Variants in LSAMP observed in about 807,000 individuals in gnomAD.
The protein encoded by LSAMP is limbic system associated membrane protein, also known as limbic system-associated membrane protein.
A neutral mutation model predicts 38.6 loss-of-function variants in LSAMP; 7 were observed. The observed-to-expected ratio is 0.18, with a 90% CI of 0.10 to 0.34. LSAMP has a LOEUF of 0.34. Among genes scored for constraint, LSAMP ranks in the 10% least tolerant of loss-of-function variants. The pLI is 1.00. For synonymous variants in LSAMP, 154 were observed against 166.8 expected, an observed-to-expected ratio of 0.92 and a Z score of 0.59; for missense variants, 313 against 420.0, an observed-to-expected ratio of 0.75 and a Z score of 2.23.
At chr3:116,091,419 C>T (rs1042879509) in intron 1 of LSAMP, among the ~76,000 whole-genome samples, 2 of 152,094 alleles carry the variant, frequency 1.3e-5, no homozygotes, top group Non-Finnish European at 2.9e-5. Flanking sequence ...GACTAAGAGA[C>T]TAAAGTAAAG....
At chr3:115,920,220 C>T (rs1937351625) in intron 3 of LSAMP, among the ~76,000 whole-genome samples, 1 of 152,172 alleles carries the variant, frequency 6.6e-6, no homozygotes, top group Non-Finnish European at 1.5e-5. Context: ...ATCACTGGAT[C>T]ATATGATAAC....
intron 3 of LSAMP, among the ~76,000 whole-genome samples, chr3:115,907,373 G>A (rs777211981): frequency 6.6e-6 from 1 of 152,114 alleles, no homozygotes; most frequent in Non-Finnish European, 1.5e-5. Flanking sequence ...GAAGAAAGAG[G>A]TAGCTTGTTT....
At chr3:115,918,474 G>T (rs914074310) in intron 3 of LSAMP, among the ~76,000 whole-genome samples, 1 of 152,160 alleles carries the variant, frequency 6.6e-6, no homozygotes. Flanking sequence ...TGAGGTGGGA[G>T]AAGGGGGCAT....
intron 1 of LSAMP, among the ~76,000 whole-genome samples, chr3:116,397,037 T>C (rs1265975452): frequency 6.6e-6 from 1 of 152,244 alleles, no homozygotes; most frequent in Non-Finnish European, 1.5e-5. Context: ...ATTGGCCTTC[T>C]ATTCTCAACA....
intron 1 of LSAMP, among the ~76,000 whole-genome samples, chr3:116,276,722 A>T (rs2107677082): frequency 6.6e-6 from 1 of 152,190 alleles, no homozygotes; most frequent in Non-Finnish European, 1.5e-5. Context: ...TGCAGGAGAT[A>T]TTGAAGCTAA....
At chr3:116,122,158 A>C (rs914186914) in intron 1 of LSAMP, among the ~76,000 whole-genome samples, 1 of 152,224 alleles carries the variant, frequency 6.6e-6, no homozygotes, top group African/African-American at 2.4e-5. Context: ...ATTTGCAATA[A>C]ATGGAATTCT....
At chr3:115,834,622 T>C (rs1325737711) in intron 6 of LSAMP, 11 of 1,187,934 alleles carry the variant, frequency 9.3e-6, no homozygotes, top group African/African-American at 1.6e-5. Context: ...ATAGTAATCA[T>C]CATGGAGATT....
At chr3:116,393,912 A>C (rs962735308) in intron 1 of LSAMP, among the ~76,000 whole-genome samples, 1 of 152,240 alleles carries the variant, frequency 6.6e-6, no homozygotes, top group Non-Finnish European at 1.5e-5. Context: ...TTTGCATGGA[A>C]CGACAAGGAA....
At chr3:116,224,542 T>TA (rs879468196) in intron 1 of LSAMP, among the ~76,000 whole-genome samples, 18 of 152,258 alleles carry the variant, frequency 1.2e-4, no homozygotes, top group Non-Finnish European at 2.2e-4. Flanking sequence ...TTTCTGGGTC[T>TA]AAAAATGTTT....
intron 1 of LSAMP, among the ~76,000 whole-genome samples, chr3:116,129,483 A>G (rs1355532420): frequency 6.6e-6 from 1 of 152,206 alleles, no homozygotes; most frequent in Non-Finnish European, 1.5e-5. Context: ...GATTTTATTT[A>G]CAAAAAGGAA....
chr3:115,910,525 C>T (rs1307418104), intron 3 of LSAMP, among the ~76,000 whole-genome samples: 1 of 152,096 alleles, frequency 6.6e-6, no homozygotes, highest in Non-Finnish European at 1.5e-5. Context: ...AGAAATAATA[C>T]AGAGATCCTT....
intron 1 of LSAMP, among the ~76,000 whole-genome samples, chr3:116,259,937 ACTT>A (rs2046803096): frequency 1.3e-5 from 2 of 152,188 alleles, no homozygotes; most frequent in Admixed American, 6.6e-5. Flanking sequence ...ATCTCAAAAT[ACTT>A]CTTCTATCCT....
intron 1 of LSAMP, among the ~76,000 whole-genome samples, chr3:116,326,620 G>A (rs562305470): frequency 2.8e-4 from 43 of 152,202 alleles, no homozygotes; most frequent in East Asian, 7.7e-4. Flanking sequence ...CCTATTTTGC[G>A]TCTTCCTCAG....
intron 1 of LSAMP, among the ~76,000 whole-genome samples, chr3:116,197,993 A>G (rs574253016): frequency 6.6e-6 from 1 of 152,224 alleles, no homozygotes; most frequent in Non-Finnish European, 1.5e-5. Context: ...CACAAAGAGA[A>G]ACACTATGAG....
intron 1 of LSAMP, among the ~76,000 whole-genome samples, chr3:116,153,305 A>G (rs1179272299): frequency 6.6e-6 from 1 of 152,124 alleles, no homozygotes; most frequent in Non-Finnish European, 1.5e-5. Flanking sequence ...GACTACACCT[A>G]CGTGACATCC....
chr3:116,098,706 T>C (rs1708278791), intron 1 of LSAMP, among the ~76,000 whole-genome samples: 1 of 152,198 alleles, frequency 6.6e-6, no homozygotes, highest in Admixed American at 6.5e-5. Context: ...GACTTCATCC[T>C]TGTGTAACAC....
chr3:116,233,328 G>A (rs2046425601), intron 1 of LSAMP, among the ~76,000 whole-genome samples: 1 of 149,520 alleles, frequency 6.7e-6, no homozygotes, highest in South Asian at 2.1e-4. Flanking sequence ...CAGGAGAATG[G>A]CGTGAACCCA....
At chr3:116,287,930 G>T (rs1487254822) in intron 1 of LSAMP, among the ~76,000 whole-genome samples, 1 of 152,158 alleles carries the variant, frequency 6.6e-6, no homozygotes. Context: ...AGCTTGCTTA[G>T]ACTCAGGAAG....
chr3:116,146,514 C>G (rs187798659), intron 1 of LSAMP, among the ~76,000 whole-genome samples: 1 of 151,908 alleles, frequency 6.6e-6, no homozygotes, highest in Admixed American at 6.6e-5. Context: ...TTTGTTGACA[C>G]CTTTTAGAAA....
Sources: allele counts gnomAD v4.1 joint callset (sites outside exome capture counted in the v4.1 genomes callset), GRCh38; gene constraint gnomAD v4.1.1; transcripts MANE v1.5; gene names NCBI Gene and HGNC (gene_info 2026-07-23, HGNC 2026-07-21).